Variants in PDIA6 observed in about 807,000 individuals in gnomAD.
PDIA6 encodes the protein protein disulfide-isomerase A6.
In PDIA6, 29 loss-of-function variants were observed where a neutral mutation model predicts 58.4. That is an observed-to-expected ratio of 0.50 (90% CI 0.37 to 0.68). The LOEUF is 0.68. Among genes scored for constraint, PDIA6 ranks in the 30% least tolerant of loss-of-function variants. The pLI is 0.00. For synonymous variants in PDIA6, 192 were observed against 202.6 expected, an observed-to-expected ratio of 0.95 and a Z score of 0.44; for missense variants, 480 against 551.0, an observed-to-expected ratio of 0.87 and a Z score of 1.29.
chr2:10,821,954 A>AT (rs1485195418), intron 1 of PDIA6, among the ~76,000 whole-genome samples: 1 of 139,530 alleles, frequency 7.2e-6, no homozygotes, highest in African/African-American at 2.6e-5. Context: ...ATTAAAAAAA[A>AT]AATTTTTTTG....
In PDIA6 at chr2:10,812,680, A is replaced by G; in HGVS notation, c.17T>C (p.Leu6Pro). 6.5e-7 allele frequency: 1 copy of G among 1,534,546 alleles called. No individual in the cohort carries two copies. The highest frequency in any genetic ancestry group is 8.7e-7 in the Non-Finnish European group (1 of 1,143,034). The change falls in exon 1 of 13, where the codon CTC (leucine) becomes CCC (proline). Residue 6 changes from leucine to proline, a missense_variant and splice_region_variant. Coordinates refer to ENST00000272227, the MANE Select transcript of PDIA6 (RefSeq NM_005742.4). MALLV[L>P]GLVSCTFFLA... ...TCCCTCCGCTGGCCCGCACCTACCG[A>G]GCACCAGGAGAGCCATGCCGAGCGC... is the stretch of plus-strand genomic sequence containing the variant.
At chr2:10,814,174 A>G (rs1572694721), upstream of PDIA6, among the ~76,000 whole-genome samples, 1 of 152,176 alleles carries the variant, frequency 6.6e-6, no homozygotes, top group South Asian at 2.1e-4. Flanking sequence ...ATTCTTAGGC[A>G]GGGGTCCAGG....
At chr2:10,796,060 C>CT (rs78611007) in intron 4 of PDIA6, among the ~76,000 whole-genome samples, 16,599 of 142,942 alleles carry the variant, frequency 0.12, 3,698 homozygotes, top group African/African-American at 0.43. Context: ...TTTGTGATAT[C>CT]TTTTTTTTTT....
intron 1 of PDIA6, among the ~76,000 whole-genome samples, chr2:10,806,172 A>G (rs1666733195): frequency 6.6e-6 from 1 of 151,700 alleles, no homozygotes; most frequent in Admixed American, 6.6e-5. Flanking sequence ...ATTCAAGACC[A>G]GCCTGGGCAA....
chr2:10,836,133 G>T (rs12328172), upstream of PDIA6, among the ~76,000 whole-genome samples: 4,067 of 152,258 alleles, frequency 0.027, 194 homozygotes, highest in African/African-American at 0.093. Context: ...TGCCCGTGGG[G>T]GTGCCACCAC....
chr2:10,831,387 G>C (rs983900424), intron 1 of PDIA6, among the ~76,000 whole-genome samples: 2 of 152,160 alleles, frequency 1.3e-5, no homozygotes, highest in Non-Finnish European at 2.9e-5. Context: ...AAGAATCAGC[G>C]GCACTGGTCA....
Position 10,812,668 on chromosome 2 carries a change from C to T in PDIA6, c.19+10G>A. The T allele has an allele frequency of 6.5e-7, 1 of 1,533,904 alleles. No homozygotes were observed. The highest frequency in any genetic ancestry group is 8.8e-7 in the Non-Finnish European group (1 of 1,142,280). ...AGCTCGCCCGCCTCCCTCCGCTGGC[C>T]CGCACCTACCGAGCACCAGGAGAGC... On this transcript the variant is annotated intron_variant, in intron 1 of 12. Coordinates refer to ENST00000272227, the MANE Select transcript of PDIA6 (RefSeq NM_005742.4).
chr2:10,793,109 C>G lies in PDIA6; in HGVS notation c.440G>C (p.Ser147Thr). 6.2e-7 allele frequency: 1 copy of G among 1,611,832 alleles called. No homozygotes were observed. Among genetic ancestry groups the G allele is most frequent in the East Asian group, 2.2e-5 (1 of 44,888 alleles). Residue 147 changes from serine (S) to threonine (T), a missense_variant, in exon 5 of 13, where the codon AGT becomes ACT. Physicochemically the swap from Ser to Thr is moderately conservative, Grantham distance 58 (BLOSUM62 1). Coordinates refer to ENST00000272227, the MANE Select transcript of PDIA6 (RefSeq NM_005742.4). ...TTATGGTCTTACTTGTTTTCCAGAACTGTATCCTCCGCTCCGTCCCCCGAG... is the reference window on the plus strand; with the variant it reads ...TTATGGTCTTACTTGTTTTCCAGAAGTGTATCCTCCGCTCCGTCCCCCGAG... ...DRLGGRSGGY[S>T]SGKQGRSDSS... is the part of the protein sequence containing the mutation.
chr2:10,820,608 G>A (rs568676944), intron 1 of PDIA6, among the ~76,000 whole-genome samples: 6 of 152,228 alleles, frequency 3.9e-5, no homozygotes, highest in African/African-American at 9.6e-5. Context: ...GCTATTCTTC[G>A]TTAGGAAAAA....
In PDIA6 at chr2:10,812,767, GC is replaced by G; in HGVS notation, c.-72del. The G allele has an allele frequency of 2.2e-6, 3 of 1,333,636 alleles. No individual in the cohort carries two copies. Among genetic ancestry groups the G allele is most frequent in the Admixed American group, 3.7e-5 (1 of 27,088 alleles). The allele number at this position is 1,333,636 out of a possible 1,614,324, so 82.6% of individuals were successfully genotyped here. A position where few individuals can be genotyped will look rare whatever the true frequency, so the allele number is the denominator to read the frequency against. ...AGCCCTGCAGCGTGCCGCACGCCGC[GC>G]CCCCGCGCCCACGTCCCGCCCCAGG... is the stretch of plus-strand genomic sequence containing the variant. On this transcript the variant is annotated 5_prime_UTR_variant, in exon 1 of 13. Coordinates refer to ENST00000272227, the MANE Select transcript of PDIA6 (RefSeq NM_005742.4).
intron 2 of PDIA6, among the ~76,000 whole-genome samples, chr2:10,800,599 A>ATCTTTTTTTTTT (rs1324680745): frequency 1.4e-5 from 2 of 142,292 alleles, no homozygotes; most frequent in African/African-American, 5.3e-5. Flanking sequence ...TTTAAAGGAG[A>ATCTTTTTTTTTT]TCTTTTTTTT....
intron 2 of PDIA6, among the ~76,000 whole-genome samples, chr2:10,801,604 AG>A (rs1214388706): frequency 9.9e-5 from 15 of 152,244 alleles, no homozygotes; most frequent in African/African-American, 3.1e-4. Flanking sequence ...CCTTTAAAAC[AG>A]TAAAGGCATT....
intron 1 of PDIA6, among the ~76,000 whole-genome samples, chr2:10,803,909 G>GTGTTTTTTTTT: frequency 1.2e-5 from 1 of 80,256 alleles, no homozygotes; most frequent in Non-Finnish European, 3.3e-5. Flanking sequence ...CCTAGTTTTT[G>GTGTTTTTTTTT]TGTTTTTTTT....
chr2:10,808,688 C>T (rs905253447), intron 1 of PDIA6, among the ~76,000 whole-genome samples: 2 of 152,108 alleles, frequency 1.3e-5, no homozygotes, highest in Non-Finnish European at 2.9e-5. Context: ...GCCAGGCTAA[C>T]CAAAGCGGGG....
rs191255748 is a variant in PDIA6, at chr2:10,787,445, A to G, written c.999-6T>C. 1.2e-4 allele frequency: 195 copies of G among 1,606,208 alleles called. 1 individual carries two copies. The East Asian group carries it at 3.7e-3, about 30-fold the overall frequency. Reference sequence around the variant, plus strand: ...CAGCTTCTGTCCACAGCCACCTAGAAAACCAGACTGGTTTTTAGGGCAAAT... The same window carrying G: ...CAGCTTCTGTCCACAGCCACCTAGAGAACCAGACTGGTTTTTAGGGCAAAT... On this transcript the variant is annotated splice_polypyrimidine_tract_variant and splice_region_variant and intron_variant, in intron 10 of 12. Transcript: ENST00000272227.
intron 2 of PDIA6, among the ~76,000 whole-genome samples, chr2:10,798,395 C>T (rs370520645): frequency 6.6e-6 from 1 of 151,966 alleles, no homozygotes; most frequent in Non-Finnish European, 1.5e-5. Context: ...TGGTGACACC[C>T]TGTCTCTACT....
chr2:10,819,195 G>C, intron 2 of PDIA6: 2 of 801,232 alleles, frequency 2.5e-6, no homozygotes, highest in African/African-American at 1.7e-5. Flanking sequence ...CCGTCTGTTA[G>C]TGGACACTTG....
chr2:10,830,362 C>G (rs1667675975), intron 1 of PDIA6, among the ~76,000 whole-genome samples: 1 of 152,252 alleles, frequency 6.6e-6, no homozygotes, highest in Non-Finnish European at 1.5e-5. Context: ...TGTGTTTGAA[C>G]TGGTGGAACT....
intron 2 of PDIA6, among the ~76,000 whole-genome samples, chr2:10,799,027 G>A (rs1043517209): frequency 2.4e-5 from 3 of 127,604 alleles, no homozygotes; most frequent in African/African-American, 5.1e-5. Flanking sequence ...GGGAGGCAGG[G>A]AAAGCGGAAG....
Sources: gnomAD v4.1 joint callset for allele counts (sites outside exome capture counted in the v4.1 genomes callset) on GRCh38, gnomAD v4.1.1 for gene constraint, MANE v1.5 for transcripts, NCBI Gene and HGNC (gene_info 2026-07-23, HGNC 2026-07-21) for gene names.